SCRIB: variants seen among roughly 807,000 people sequenced by gnomAD.
SCRIB encodes the protein protein scribble homolog.
A neutral mutation model predicts 170.0 loss-of-function variants in SCRIB; 72 were observed. The ratio of observed to expected loss-of-function variants is 0.42; its 90% CI spans 0.35 to 0.52. The LOEUF is 0.52. Among genes scored for constraint, SCRIB ranks in the 20% least tolerant of loss-of-function variants. The pLI is 0.02. For synonymous variants in SCRIB, 1,298 were observed against 1,044.3 expected (o/e 1.24, Z -4.68); for missense variants, 2,475 against 2,338.5 (o/e 1.06, Z -1.20).
rs1225446029 is a variant in SCRIB at position 143,792,019 on chromosome 8, C to T, written c.4629G>A (p.Ala1543=). Residue 1543 remains alanine, a synonymous_variant, in exon 33 of 37, where the codon GCG becomes GCA. Transcript: ENST00000356994. ...CCACAGGGGTGGGCGACGGGGTGGG[C>T]GCAGGGGAAGGGGCCTCGGCCAGTC... The part of the protein sequence containing the change: ...LERLAEAPSP[A]PTPSPTPVED... 2.3e-5 allele frequency: 36 copies of T among 1,551,976 alleles called. No individual in the cohort carries two copies. The highest frequency in any genetic ancestry group is 8.4e-5 in the South Asian group (7 of 83,614).
Position 143,815,206 on chromosome 8 carries a change from C to T in SCRIB, c.159+8G>A, listed in dbSNP as rs763925076. 1.9e-5 allele frequency: 29 copies of T among 1,561,152 alleles called. No homozygotes were observed. In the South Asian group the frequency reaches 2.3e-4, roughly 12 times the overall value. On this transcript the variant is annotated splice_region_variant and intron_variant, in intron 1 of 36. Coordinates refer to ENST00000356994, the MANE Select transcript of SCRIB (RefSeq NM_182706.5). ...GCCTTTGGGCGGCAGGTGCGGGCGG[C>T]CGCTCACCTTGGGCAGCTCGCGCAG...
chr8:143,792,652 TG>T lies in SCRIB; in HGVS notation c.4178-18del. 1 of 1,590,708 alleles carries T rather than the reference TG, an allele frequency of 6.3e-7. No homozygotes were observed. Among genetic ancestry groups the T allele is most frequent in the Non-Finnish European group, 8.5e-7 (1 of 1,176,286 alleles). On this transcript the variant is annotated intron_variant, in intron 30 of 36. Transcript: ENST00000356994. ...GTTTTCTGGCTGCCGGAGGGCAGGGTGGGTCAGGCCAGACCAGCCGAGACCC... is the reference window on the plus strand; with the variant it reads ...GTTTTCTGGCTGCCGGAGGGCAGGGTGGTCAGGCCAGACCAGCCGAGACCC...
chr8:143,814,999 C>T (rs1419402735), intron 1 of SCRIB: 5 of 528,860 alleles, frequency 9.5e-6, no homozygotes, highest in Non-Finnish European at 1.6e-5. Flanking sequence ...CGGTGACAAT[C>T]GCTATCCCCA....
Position 143,792,986 on chromosome 8 carries a change from G to A in SCRIB, c.4007C>T (p.Ala1336Val). The A allele has an allele frequency of 2.7e-6, 4 of 1,509,358 alleles. No individual in the cohort carries two copies. The allele number at this position is 1,509,358 out of a possible 1,614,324, so 93.5% of individuals were successfully genotyped here. A position where few individuals can be genotyped will look rare whatever the true frequency, so the allele number is the denominator to read the frequency against. ...AVPTSHPPED[A>V]PAQPPTPGPA... ...GCTGCCCCCACACACCTGGGCAGGG[G>A]CATCCTCAGGCGGGTGAGAAGTGGG... The change falls in exon 29 of 37, where the codon GCC becomes GTC. Residue 1336 changes from alanine to valine, a missense_variant. Transcript: ENST00000356994.
In SCRIB at chr8:143,795,112, C is replaced by A; in HGVS notation, c.3772G>T (p.Gly1258Cys). The change falls in exon 27 of 37, where the codon GGT becomes TGT. Residue 1258 changes from glycine (G) to cysteine (C), a missense_variant and splice_region_variant. Physicochemically the swap from Gly to Cys is radical, Grantham distance 159. This residue lies in a region of SCRIB where 1,966 missense variants were observed against 1,742.9 expected (regional missense o/e 1.13). Transcript: ENST00000356994. The part of the protein sequence containing the change: ...HWGPEATEAA[G>C]RGLQPLKLDY... ...AGCTTCAGGGGCTGCAGACCCCGAC[C>A]CTGGGGGCAGAGTGAACACAGCACT... 6.2e-7 allele frequency: 1 copy of A among 1,611,042 alleles called. No homozygotes were observed. The highest frequency in any genetic ancestry group is 8.5e-7 in the Non-Finnish European group (1 of 1,178,948).
Position 143,805,417 on chromosome 8 carries a change from G to A in SCRIB, c.2365C>T (p.Gln789Ter), listed in dbSNP as rs1554636324. Residue 789 changes from glutamine (Q) to a stop codon, truncating the protein, a stop_gained, in exon 19 of 37, where the codon CAG (glutamine) becomes TAG (stop). Coordinates refer to ENST00000356994, the MANE Select transcript of SCRIB (RefSeq NM_182706.5). LOFTEE classifies it high-confidence loss of function. ...ACGGCCTCGTGGTGCTCGGCGCCCT[G>A]CAGAGCCACACCATTCACCTGCGGG... ...KLLEVNGVAL[Q>*]GAEHHEAVEA... 1.3e-6 allele frequency: 2 copies of A among 1,516,730 alleles called. No homozygotes were observed. Among genetic ancestry groups the A allele is most frequent in the Non-Finnish European group, 1.8e-6 (2 of 1,135,502 alleles). 94.0% of individuals were successfully genotyped at this position (1,516,730 alleles called of 1,614,324 possible). A position where few individuals can be genotyped will look rare whatever the true frequency, so the allele number is the denominator to read the frequency against.
At position 143,807,427 on chromosome 8, in the gene SCRIB, G is replaced by T. The variant is rs1465461918; in HGVS notation, c.2178+125C>A. On this transcript the variant is annotated intron_variant, in intron 16 of 36. Transcript: ENST00000356994. The stretch of plus-strand genomic sequence containing the variant: ...GTGTCCTGATCCTGGAGCCCAGCTG[G>T]ATCTGAGAGCTCTTTTGAGAGGGAT... 9 of 833,036 alleles carry T rather than the reference G, an allele frequency of 1.1e-5. No homozygotes were observed. In the Admixed American group the frequency reaches 1.5e-4, roughly 14 times the overall value. The allele number at this position is 833,036 out of a possible 1,614,324, so 51.6% of individuals were successfully genotyped here. A position where few individuals can be genotyped will look rare whatever the true frequency, so the allele number is the denominator to read the frequency against.
In SCRIB at chr8:143,803,704, G is replaced by A. The variant is rs1554635539; in HGVS notation, c.3357C>T (p.Ala1119=). ...ERLGISIRGG[A]RGHAGNPRDP... The stretch of plus-strand genomic sequence containing the variant: ...CGCGGGGGTTGCCAGCGTGGCCCCT[G>A]GCACCCCCGCGGATGCTGATGCCCA... Residue 1119 remains alanine (A), a synonymous_variant, in exon 23 of 37, where the codon GCC becomes GCT. Transcript: ENST00000356994. 1 of 1,586,376 alleles carries A rather than the reference G, an allele frequency of 6.3e-7. No individual in the cohort carries two copies. Among genetic ancestry groups the A allele is most frequent in the African/African-American group, 1.3e-5 (1 of 74,768 alleles).
Position 143,815,375 on chromosome 8 carries a change from T to C in SCRIB, c.-3A>G, listed in dbSNP as rs1212542602. 4 of 1,348,344 alleles carry C rather than the reference T, an allele frequency of 3.0e-6. No individual in the cohort carries two copies. Among genetic ancestry groups the C allele is most frequent in the Non-Finnish European group, 3.8e-6 (4 of 1,039,654 alleles). The allele number at this position is 1,348,344 out of a possible 1,614,324, so 83.5% of individuals were successfully genotyped here. ...CACAGCGGGATGCACTTGAGCATGGTGCGGGTGGGCGGCGCGGGCTCCGGC... is the reference window on the plus strand; with the variant it reads ...CACAGCGGGATGCACTTGAGCATGGCGCGGGTGGGCGGCGCGGGCTCCGGC... On this transcript the variant is annotated 5_prime_UTR_variant, in exon 1 of 37. Transcript: ENST00000356994.
At chr8:143,809,087 C>A in intron 14 of SCRIB, 62 bp from the exon 15 acceptor site, 1 of 1,541,526 alleles carries the variant, frequency 6.5e-7, no homozygotes. Flanking sequence ...CAGGAAGACC[C>A]TACTAAACAG....
chr8:143,798,382 G>GGACTGTACGTCCCGGATGCA (rs1563792497), intron 24 of SCRIB, among the ~76,000 whole-genome samples: 2 of 152,322 alleles, frequency 1.3e-5, no homozygotes, highest in Non-Finnish European at 2.9e-5. Flanking sequence ...CACAGGATGC[G>GGACTGTACGTCCCGGATGCA]GACTGTACGT....
Position 143,791,125 on chromosome 8 carries a change from G to T in SCRIB, c.*38C>A. On this transcript the variant is annotated 3_prime_UTR_variant, in exon 37 of 37. Transcript: ENST00000356994. ...GGCAAGGGTGGTGCTGGAGCTGGCA[G>T]GGCCCCCACCCCAAGTCTGGGGGAG... The T allele has an allele frequency of 7.2e-7, 1 of 1,384,870 alleles. No individual in the cohort carries two copies. Among genetic ancestry groups the T allele is most frequent in the Non-Finnish European group, 9.3e-7 (1 of 1,069,522 alleles). The allele number at this position is 1,384,870 out of a possible 1,614,324, so 85.8% of individuals were successfully genotyped here.
chr8:143,797,426 C>T (rs527317552), intron 24 of SCRIB, among the ~76,000 whole-genome samples: 9 of 152,152 alleles, frequency 5.9e-5, no homozygotes, highest in Non-Finnish European at 8.8e-5. Context: ...TCAGGAATGT[C>T]GCCAACCACC....
rs752716215 is a variant in SCRIB, at chr8:143,812,933, C to A, written c.671G>T (p.Cys224Phe). 2.5e-6 allele frequency: 4 copies of A among 1,612,636 alleles called. No homozygotes were observed. Among genetic ancestry groups the A allele is most frequent in the Non-Finnish European group, 3.4e-6 (4 of 1,179,918 alleles). ...PELGNLRRLV[C>F]LDVSENRLEE... ...CAGCCGGTTTTCCGACACGTCCAGG[C>A]ACACCAGGCGCCGCAGGTTCCCGAG... Residue 224 changes from cysteine (C) to phenylalanine (F), a missense_variant, in exon 8 of 37, where the codon TGC (cysteine) becomes TTC (phenylalanine). This residue lies in a region of SCRIB where 487 missense variants were observed against 558.1 expected (regional missense o/e 0.87). Coordinates refer to ENST00000356994, the MANE Select transcript of SCRIB (RefSeq NM_182706.5).
At position 143,815,512 on chromosome 8, in the gene SCRIB, C is replaced by T. The variant is rs970670479; in HGVS notation, c.-140G>A. 13 of 983,962 alleles carry T rather than the reference C, an allele frequency of 1.3e-5. No homozygotes were observed. Among genetic ancestry groups the T allele is most frequent in the Middle Eastern group, 5.2e-4 (1 of 1,936 alleles). The allele number at this position is 983,962 out of a possible 1,614,324, so 61.0% of individuals were successfully genotyped here. On this transcript the variant is annotated 5_prime_UTR_variant, in exon 1 of 37. Transcript: ENST00000356994. ...GGCCGCCCGAGACTGGACGGGGACG[C>T]GGCCGCGGCCGGCGCTGGGCCCGGC...
intron 27 of SCRIB, among the ~76,000 whole-genome samples, chr8:143,794,583 G>T (rs1400291702): frequency 6.6e-6 from 1 of 151,980 alleles, no homozygotes; most frequent in Non-Finnish European, 1.5e-5. Flanking sequence ...CTCTGGGAGG[G>T]TTATTTGTAT....
Position 143,791,213 on chromosome 8 carries a change from G to A in SCRIB, c.4918C>T (p.Arg1640Cys), listed in dbSNP as rs759800253. Residue 1640 changes from arginine (R) to cysteine (C), a missense_variant, in exon 37 of 37, where the codon CGC becomes TGC. Physicochemically the swap from Arg to Cys is radical, Grantham distance 180 (BLOSUM62 -3). Coordinates refer to ENST00000356994, the MANE Select transcript of SCRIB (RefSeq NM_182706.5). ...CGGCGCCCAGGCCTTACGGGGCGGC[G>A]GCTGCTGCACAGTGCCACATCTTCA... ...GPEDVALCSSRRPVRPGRRGL... is the reference protein window; with the variant it reads ...GPEDVALCSSCRPVRPGRRGL... 33 of 1,449,970 alleles carry A rather than the reference G, an allele frequency of 2.3e-5. No homozygotes were observed. The highest frequency in any genetic ancestry group is 1.9e-4 in the African/African-American group (13 of 69,690). 89.8% of individuals were successfully genotyped at this position (1,449,970 alleles called of 1,614,324 possible).
Position 143,804,828 on chromosome 8 carries a change from G to T in SCRIB, c.2752-3C>A. On this transcript the variant is annotated splice_polypyrimidine_tract_variant and splice_region_variant and intron_variant, in intron 20 of 36. Coordinates refer to ENST00000356994, the MANE Select transcript of SCRIB (RefSeq NM_182706.5). ...TCAGTCACGTCCACTCCATTAATCT[G>T]TGAGAGCGTGCCCGAATCAGGGAGG... 1 of 1,582,532 alleles carries T rather than the reference G, an allele frequency of 6.3e-7. No homozygotes were observed.
In SCRIB at chr8:143,791,678, G is replaced by C; in HGVS notation, c.4758C>G (p.Val1586=). 1.2e-6 allele frequency: 2 copies of C among 1,605,860 alleles called. No homozygotes were observed. Among genetic ancestry groups the C allele is most frequent in the Non-Finnish European group, 1.7e-6 (2 of 1,174,124 alleles). The change falls in exon 35 of 37, where the codon GTC becomes GTG. Residue 1586 remains valine (V), a synonymous_variant. Coordinates refer to ENST00000356994, the MANE Select transcript of SCRIB (RefSeq NM_182706.5). ...GGAGGCCAGGTACCTGGATGTCATA[G>C]ACAGGTCTGGAAGAAGGCAGGGCCG... ...AFAALPSSRP[V]YDIQSPDFAE... is the part of the protein sequence containing the mutation.
Sources: gnomAD v4.1 joint callset for allele counts (sites outside exome capture counted in the v4.1 genomes callset) on GRCh38, gnomAD v4.1.1 for gene constraint, gnomAD v4.1.1 regional missense constraint, MANE v1.5 for transcripts, NCBI Gene and HGNC (gene_info 2026-07-23, HGNC 2026-07-21) for gene names.